Variants in AGAP1 observed in about 807,000 individuals in gnomAD.
AGAP1 encodes the protein ArfGAP with GTPase domain, ankyrin repeat and PH domain 1.
Under a neutral mutation model 105.3 loss-of-function variants are expected in AGAP1, and 29 were observed. That is an observed-to-expected ratio of 0.28 (90% CI 0.21 to 0.38). The LOEUF (loss-of-function observed/expected upper bound fraction) is 0.38. Among genes scored for constraint, AGAP1 ranks in the 10% least tolerant of loss-of-function variants. The probability of loss-of-function intolerance (pLI) is 1.00; values close to 1 mark genes in which losing one functional copy is unlikely to be tolerated. For synonymous variants in AGAP1, 509 were observed against 485.9 expected (o/e 1.05, Z -0.63); for missense variants, 998 against 1,165.1 (o/e 0.86, Z 2.09).
At chr2:236,117,654 TGA>T (rs2059803096) in intron 16 of AGAP1, among the ~76,000 whole-genome samples, 1 of 152,208 alleles carries the variant, frequency 6.6e-6, no homozygotes, top group Non-Finnish European at 1.5e-5. Context: ...TACCAAAAAA[TGA>T]GAGTTAGCAA....
intron 1 of AGAP1, among the ~76,000 whole-genome samples, chr2:235,520,768 TAAC>T (rs1942583144): frequency 6.6e-6 from 1 of 152,246 alleles, no homozygotes; most frequent in African/African-American, 2.4e-5. Context: ...ATCGTAAAAA[TAAC>T]AAGTTTTGGT....
rs369408821 is a variant in AGAP1 at position 235,543,996 on chromosome 2, G to T, written c.163+49147G>T. Among the ~76,000 whole-genome samples, 18 of 152,290 alleles carry T rather than the reference G, an allele frequency of 1.2e-4. No homozygotes were observed. The South Asian group carries it at 3.1e-3, about 26-fold the overall frequency. ...AGGCCACTGCTGTGGCCTAGATCGG[G>T]TTGGCTCTGGCCGTGCCCCATTCCT... On this transcript the variant is annotated intron_variant, in intron 1 of 17. Coordinates refer to ENST00000304032, the MANE Select transcript of AGAP1 (RefSeq NM_001037131.3).
chr2:235,949,322 T>C (rs1352957347), intron 12 of AGAP1, among the ~76,000 whole-genome samples: 2 of 152,250 alleles, frequency 1.3e-5, no homozygotes, highest in African/African-American at 2.4e-5. Context: ...ACTCAACCTG[T>C]AATTTCCATG....
chr2:235,886,150 C>T (rs138105526), intron 10 of AGAP1, among the ~76,000 whole-genome samples: 29 of 152,298 alleles, frequency 1.9e-4, no homozygotes, highest in Non-Finnish European at 3.7e-4. Flanking sequence ...CAGCAGTGGC[C>T]GGGCTGCCCT....
In AGAP1 at chr2:235,770,682, A is replaced by C. The variant is rs1358707874; in HGVS notation, c.673+20194A>C. On this transcript the variant is annotated intron_variant, in intron 6 of 17. Transcript: ENST00000304032. ...CAGAATCATTTCAGACTTTTATTTA[A>C]ACTGCTTAGAAAAGCTGGTGGATTT... is the stretch of plus-strand genomic sequence containing the variant. 2.3e-4 allele frequency among the ~76,000 whole-genome samples: 34 copies of C among 151,082 alleles called. No individual in the cohort carries two copies. The Admixed American group carries it at 2.3e-3, about 10-fold the overall frequency.
intron 10 of AGAP1, among the ~76,000 whole-genome samples, chr2:235,884,175 A>AT (rs1250535842): frequency 6.6e-6 from 1 of 151,942 alleles, no homozygotes; most frequent in Non-Finnish European, 1.5e-5. Flanking sequence ...ATTAGAATAT[A>AT]TGGTGGAAGT....
Position 235,569,540 on chromosome 2 carries a change from C to A in AGAP1, c.163+74691C>A, listed in dbSNP as rs968196802. On this transcript the variant is annotated intron_variant, in intron 1 of 17. Transcript: ENST00000304032. This position sits in a 1 kb window ranked among gnomAD's most constrained non-coding sequence, Gnocchi z 5.9. ...AACCTGGCCTCTTGTACCTCTGAGCCCCGAATTCTGCCCTCTGCCCATGTG... is the reference window on the plus strand; with the variant it reads ...AACCTGGCCTCTTGTACCTCTGAGCACCGAATTCTGCCCTCTGCCCATGTG... Among the ~76,000 whole-genome samples, 2 of 152,142 alleles carry A rather than the reference C, an allele frequency of 1.3e-5. No individual in the cohort carries two copies. The highest frequency in any genetic ancestry group is 4.8e-5 in the African/African-American group (2 of 41,416).
rs12151454 is a variant in AGAP1 at position 235,777,185 on chromosome 2, T to C, written c.674-20574T>C. 94,012 of 382,020 alleles carry C rather than the reference T, an allele frequency of 0.25. 13,266 individuals carry two copies. The highest frequency in any genetic ancestry group is 0.43 in the Admixed American group (13,090 of 30,168). 23.7% of individuals were successfully genotyped at this position (382,020 alleles called of 1,614,324 possible). A position where few individuals can be genotyped will look rare whatever the true frequency, so the allele number is the denominator to read the frequency against. On this transcript the variant is annotated intron_variant, in intron 6 of 17. Transcript: ENST00000304032. The surrounding 1 kb of genome is among the most constrained non-coding windows in gnomAD (Gnocchi z 5.1). ...CATCCTGGCTAACACAGTGAAACCCTGTCTCTACTAAAAATACAAAAAATT... is the reference window on the plus strand; with the variant it reads ...CATCCTGGCTAACACAGTGAAACCCCGTCTCTACTAAAAATACAAAAAATT...
rs1946085502 is a variant in AGAP1, at chr2:235,610,349, G to T, written c.164-98830G>T. On this transcript the variant is annotated intron_variant, in intron 1 of 17. Transcript: ENST00000304032. This position sits in a 1 kb window ranked among gnomAD's most constrained non-coding sequence, Gnocchi z 4.9. ...TGCCATAACAAAATACCAGACGCTG[G>T]GTGCCTTAAACCACAGAAATGCATT... Among the ~76,000 whole-genome samples, 1 of 152,098 alleles carries T rather than the reference G, an allele frequency of 6.6e-6. No individual in the cohort carries two copies. Among genetic ancestry groups the T allele is most frequent in the Non-Finnish European group, 1.5e-5 (1 of 68,024 alleles).
At position 235,824,556 on chromosome 2, in the gene AGAP1, T is replaced by TA. The variant is rs1958965805; in HGVS notation, c.1050+17226dup. Among the ~76,000 whole-genome samples the TA allele has an allele frequency of 6.6e-6, 1 of 152,250 alleles. No homozygotes were observed. Among genetic ancestry groups the TA allele is most frequent in the African/African-American group, 2.4e-5 (1 of 41,462 alleles). ...TGCTTATTGCAGGAGAAATTAAAGATACAATTTTGTGCTAAGAGGCAATGT... is the reference window on the plus strand; with the variant it reads ...TGCTTATTGCAGGAGAAATTAAAGATAACAATTTTGTGCTAAGAGGCAATGT... On this transcript the variant is annotated intron_variant, in intron 9 of 17. Coordinates refer to ENST00000304032, the MANE Select transcript of AGAP1 (RefSeq NM_001037131.3). The surrounding 1 kb of genome is among the most constrained non-coding windows in gnomAD (Gnocchi z 5.2).
rs180755451 is a variant in AGAP1, at chr2:236,118,973, A to T, written c.2115-1219A>T. 2.2e-3 allele frequency among the ~76,000 whole-genome samples: 328 copies of T among 152,272 alleles called. 3 individuals are homozygous for T. The highest frequency in any genetic ancestry group is 7.5e-3 in the African/African-American group (313 of 41,540). ...CGCCTGGGGTCCTTCCTTTGGGTCA[A>T]CATAAACATGCCTTACTGTTGGTTT... On this transcript the variant is annotated intron_variant, in intron 16 of 17. Transcript: ENST00000304032.
intron 3 of AGAP1, among the ~76,000 whole-genome samples, chr2:235,738,941 T>C (rs2149651183): frequency 6.6e-6 from 1 of 152,270 alleles, no homozygotes; most frequent in Non-Finnish European, 1.5e-5. Flanking sequence ...TTTTAAAAAG[T>C]TTTTTTAAAG....
chr2:235,857,527 T>C (rs1449592607), intron 9 of AGAP1, among the ~76,000 whole-genome samples: 1 of 152,176 alleles, frequency 6.6e-6, no homozygotes, highest in Non-Finnish European at 1.5e-5. Flanking sequence ...GTTGAGCAGC[T>C]TCCCACCCTG....
rs1237989809 is a variant in AGAP1, at chr2:236,092,821, C to T, written c.2115-27371C>T. Among the ~76,000 whole-genome samples the T allele has an allele frequency of 6.6e-6, 1 of 152,204 alleles. No homozygotes were observed. Among genetic ancestry groups the T allele is most frequent in the Non-Finnish European group, 1.5e-5 (1 of 68,036 alleles). ...ATCAGGGCTCCTTGGAGAAATGGCTCATTCCAGATCTGGTTGAGAAGTAGG... is the reference window on the plus strand; with the variant it reads ...ATCAGGGCTCCTTGGAGAAATGGCTTATTCCAGATCTGGTTGAGAAGTAGG... On this transcript the variant is annotated intron_variant, in intron 16 of 17. Coordinates refer to ENST00000304032, the MANE Select transcript of AGAP1 (RefSeq NM_001037131.3). The surrounding 1 kb of genome is among the most constrained non-coding windows in gnomAD (Gnocchi z 4.7).
intron 6 of AGAP1, among the ~76,000 whole-genome samples, chr2:235,785,467 C>A (rs1302955203): frequency 6.6e-6 from 1 of 152,180 alleles, no homozygotes; most frequent in Non-Finnish European, 1.5e-5. Context: ...TTGGCCTTTA[C>A]GTCTTACATT....
At chr2:235,942,087 C>T (rs2125219097) in intron 12 of AGAP1, among the ~76,000 whole-genome samples, 1 of 152,268 alleles carries the variant, frequency 6.6e-6, no homozygotes, top group Non-Finnish European at 1.5e-5. Flanking sequence ...ATATCCCCAG[C>T]CATGACTGCT....
rs763294074 is a variant in AGAP1, at chr2:235,799,474, G to T, written c.909G>T (p.Thr303=). The part of the protein sequence containing the change: ...LRIDVPPTAN[T]PTPVRKQSKR... ...TCGATGTTCCTCCCACTGCCAACAC[G>T]CCCACGCCCGTTCGCAAGCAGTCTA... The change falls in exon 8 of 18, where the codon ACG becomes ACT. Residue 303 remains threonine (T), a synonymous_variant. Coordinates refer to ENST00000304032, the MANE Select transcript of AGAP1 (RefSeq NM_001037131.3). The surrounding 1 kb of genome is among the most constrained non-coding windows in gnomAD (Gnocchi z 5.0). 10 of 1,614,142 alleles carry T rather than the reference G, an allele frequency of 6.2e-6. No individual in the cohort carries two copies. Among genetic ancestry groups the T allele is most frequent in the Non-Finnish European group, 8.5e-6 (10 of 1,180,022 alleles).
intron 1 of AGAP1, among the ~76,000 whole-genome samples, chr2:235,534,904 G>A (rs944961327): frequency 6.6e-6 from 1 of 152,192 alleles, no homozygotes; most frequent in Non-Finnish European, 1.5e-5. Context: ...GTCCTTGGAT[G>A]AGTTATCAGT....
In AGAP1 at chr2:235,744,849, GT is replaced by G; in HGVS notation, c.538+12del. 3.1e-6 allele frequency: 5 copies of G among 1,613,876 alleles called. No individual in the cohort carries two copies. Among genetic ancestry groups the G allele is most frequent in the Non-Finnish European group, 4.2e-6 (5 of 1,179,924 alleles). Reference sequence around the variant, plus strand: ...CTGGTGGGAACCCAGGGTGAGTGATGTTCGTGTGCAGATTGTTTTGAAAGGG... The same window carrying G: ...CTGGTGGGAACCCAGGGTGAGTGATGTCGTGTGCAGATTGTTTTGAAAGGG... On this transcript the variant is annotated intron_variant, in intron 5 of 17. Transcript: ENST00000304032. The surrounding 1 kb of genome is among the most constrained non-coding windows in gnomAD (Gnocchi z 5.2).
Sources: allele counts gnomAD v4.1 joint callset (sites outside exome capture counted in the v4.1 genomes callset), GRCh38; gene constraint gnomAD v4.1.1; non-coding constraint Gnocchi (gnomAD v3.1); transcripts MANE v1.5; gene names NCBI Gene and HGNC (gene_info 2026-07-23, HGNC 2026-07-21).